PRKAR1B: variants seen among roughly 807,000 people sequenced by gnomAD.
The protein encoded by PRKAR1B is cAMP-dependent protein kinase type I-beta regulatory subunit.
A neutral mutation model predicts 46.5 loss-of-function variants in PRKAR1B; 22 were observed. The observed-to-expected ratio is 0.47, with a 90% CI of 0.34 to 0.68. PRKAR1B has a LOEUF of 0.68. Ranked by LOEUF, PRKAR1B falls within the 30% of genes least tolerant of loss-of-function variation. The pLI is 0.01. For missense variants in PRKAR1B, 445 were observed against 535.6 expected, an observed-to-expected ratio of 0.83 and a Z score of 1.67; for synonymous variants, 259 against 217.7, an observed-to-expected ratio of 1.19 and a Z score of -1.67.
chr7:577,494 G>A (rs955610794), intron 9 of PRKAR1B, among the ~76,000 whole-genome samples: 3 of 152,138 alleles, frequency 2.0e-5, no homozygotes, highest in Non-Finnish European at 2.9e-5. Flanking sequence ...TCAGACACAC[G>A]GGAGCATACG....
intron 4 of PRKAR1B, among the ~76,000 whole-genome samples, chr7:640,629 G>A (rs1784338352): frequency 6.6e-6 from 1 of 152,070 alleles, no homozygotes; most frequent in South Asian, 2.1e-4. Flanking sequence ...CGGGTGTGGT[G>A]GCAGCTGCCT....
At chr7:587,826 G>A (rs1780685335) in intron 7 of PRKAR1B, among the ~76,000 whole-genome samples, 1 of 152,236 alleles carries the variant, frequency 6.6e-6, no homozygotes. Flanking sequence ...TGCTGTGGAA[G>A]GAAAACAGCT....
intron 1 of PRKAR1B, among the ~76,000 whole-genome samples, chr7:723,488 ACTCTCAAG>A (rs1781144254): frequency 6.6e-6 from 1 of 151,982 alleles, no homozygotes; most frequent in African/African-American, 2.4e-5. Context: ...CCGTCTGTCA[ACTCTCAAG>A]CTCCTTTCCT....
chr7:673,698 G>A (rs530216216), intron 4 of PRKAR1B, among the ~76,000 whole-genome samples: 1 of 152,166 alleles, frequency 6.6e-6, no homozygotes, highest in African/African-American at 2.4e-5. Context: ...ACTCCTCCTG[G>A]TGACCAGGTT....
chr7:576,106 T>C (rs1436916407), intron 9 of PRKAR1B, among the ~76,000 whole-genome samples: 1 of 150,118 alleles, frequency 6.7e-6, no homozygotes, highest in Non-Finnish European at 1.5e-5. Context: ...CACGCTGGCA[T>C]AGTCTCCTCT....
chr7:710,025 C>A (rs932179617), intron 2 of PRKAR1B, among the ~76,000 whole-genome samples: 5 of 152,130 alleles, frequency 3.3e-5, no homozygotes, highest in African/African-American at 4.8e-5. Context: ...TTTCCACTTC[C>A]GAACTTTTCA....
intron 1 of PRKAR1B, among the ~76,000 whole-genome samples, chr7:715,434 G>A (rs1275783518): frequency 6.6e-6 from 1 of 152,044 alleles, no homozygotes; most frequent in Admixed American, 6.6e-5. Flanking sequence ...CTGCCACACG[G>A]TGACAAACCC....
At position 606,877 on chromosome 7, in the gene PRKAR1B, T is replaced by C. The variant is rs746894159; in HGVS notation, c.502+514A>G. Among the ~76,000 whole-genome samples, 330 of 152,144 alleles carry C rather than the reference T, an allele frequency of 2.2e-3. 2 individuals are homozygous for C. The highest frequency in any genetic ancestry group is 3.2e-3 in the Non-Finnish European group (218 of 68,026). On this transcript the variant is annotated intron_variant, in intron 5 of 10. Coordinates refer to ENST00000537384, the MANE Select transcript of PRKAR1B (RefSeq NM_001164760.2). ...TTTATACATATATGTATCTATTTTA[T>C]ACACACACATATGTATATATGTGTA...
chr7:583,778 G>A (rs1038808925), intron 8 of PRKAR1B, among the ~76,000 whole-genome samples: 28 of 126,554 alleles, frequency 2.2e-4, no homozygotes, highest in East Asian at 4.6e-4. Context: ...GCACACTCAC[G>A]TGTACACCCA....
At chr7:711,551 C>G (rs762044856) in intron 1 of PRKAR1B, 24 bp from the exon 2 acceptor site, 2 of 1,600,766 alleles carry the variant, frequency 1.2e-6, no homozygotes, top group South Asian at 1.1e-5. Context: ...ACACAGATCC[C>G]CAGGCCTGAG....
intron 4 of PRKAR1B, among the ~76,000 whole-genome samples, chr7:663,401 T>C (rs560226572): frequency 6.6e-6 from 1 of 152,192 alleles, no homozygotes; most frequent in South Asian, 2.1e-4. Flanking sequence ...GCTAATTTTT[T>C]AATTTTTAGG....
chr7:556,093 C>T (rs1778410698), intron 9 of PRKAR1B, among the ~76,000 whole-genome samples: 2 of 152,190 alleles, frequency 1.3e-5, no homozygotes, highest in Admixed American at 6.5e-5. Flanking sequence ...GGACGCTCGG[C>T]TCCTGGCTGT....
At chr7:614,967 C>T (rs1322954524) in intron 4 of PRKAR1B, among the ~76,000 whole-genome samples, 1 of 152,052 alleles carries the variant, frequency 6.6e-6, no homozygotes, top group Non-Finnish European at 1.5e-5. Flanking sequence ...GTCCCAGCTA[C>T]TCGGGAGGCT....
chr7:552,837 C>T (rs937396447), intron 9 of PRKAR1B, among the ~76,000 whole-genome samples: 11 of 152,224 alleles, frequency 7.2e-5, no homozygotes, highest in Non-Finnish European at 1.3e-4. Context: ...CCGGCCTCCC[C>T]GGGGAAAGGG....
intron 7 of PRKAR1B, among the ~76,000 whole-genome samples, chr7:591,119 G>A (rs142302613): frequency 1.4e-4 from 21 of 152,374 alleles, no homozygotes; most frequent in East Asian, 1.9e-4. Context: ...TTAAAGCCTC[G>A]TGCACCCGTC....
chr7:550,724 T>G, intron 10 of PRKAR1B, 122 bp from the exon 11 acceptor site: 4 of 775,988 alleles, frequency 5.2e-6, no homozygotes, highest in Non-Finnish European at 7.9e-6. Context: ...CAGGCACACG[T>G]GAATTTCAAA....
upstream of PRKAR1B, among the ~76,000 whole-genome samples, chr7:728,771 G>A (rs1422153887): frequency 6.6e-6 from 1 of 152,082 alleles, no homozygotes; most frequent in Non-Finnish European, 1.5e-5. Context: ...GTGGGGTGAG[G>A]GACTGTGCCT....
At chr7:578,595 C>T (rs533746663) in intron 9 of PRKAR1B, among the ~76,000 whole-genome samples, 6 of 152,272 alleles carry the variant, frequency 3.9e-5, no homozygotes, top group Non-Finnish European at 5.9e-5. Flanking sequence ...GATGCGGACG[C>T]GGTGCCATCC....
At chr7:574,667 G>A (rs1779717354) in intron 9 of PRKAR1B, among the ~76,000 whole-genome samples, 1 of 152,120 alleles carries the variant, frequency 6.6e-6, no homozygotes, top group African/African-American at 2.4e-5. Context: ...TGATCTTGAA[G>A]TCCTGACCTC....
Sources: allele counts gnomAD v4.1 joint callset (sites outside exome capture counted in the v4.1 genomes callset), GRCh38; gene constraint gnomAD v4.1.1; transcripts MANE v1.5; gene names NCBI Gene and HGNC (gene_info 2026-07-23, HGNC 2026-07-21).